Variants in ZSWIM2 observed in about 807,000 individuals in gnomAD.
ZSWIM2 encodes E3 ubiquitin-protein ligase ZSWIM2.
In ZSWIM2, 38 loss-of-function variants were observed where a neutral mutation model predicts 48.4. The ratio of observed to expected loss-of-function variants is 0.79; its 90% CI spans 0.61 to 1.03. The LOEUF (loss-of-function observed/expected upper bound fraction) is 1.03. ZSWIM2 is among the 50% of genes least tolerant of loss of function. ZSWIM2 has a pLI of 0.00. For missense variants in ZSWIM2, 776 were observed against 730.2 expected (o/e 1.06, Z -0.72); for synonymous variants, 240 against 251.3 (o/e 0.96, Z 0.42).
Position 186,849,147 on chromosome 2 carries a change from G to T in ZSWIM2, c.-17C>A, listed in dbSNP as rs1435380850. Reference sequence around the variant, plus strand: ...GCGAAGCATGCTGGGTGCGGGCGGAGGCGGCCCCTCTGCTCGGCTCACTGA... The same window carrying T: ...GCGAAGCATGCTGGGTGCGGGCGGATGCGGCCCCTCTGCTCGGCTCACTGA... On this transcript the variant is annotated 5_prime_UTR_variant, in exon 1 of 9. Coordinates refer to ENST00000295131, the MANE Select transcript of ZSWIM2 (RefSeq NM_182521.3). The T allele has an allele frequency of 6.2e-7, 1 of 1,600,684 alleles. No individual in the cohort carries two copies. Among genetic ancestry groups the T allele is most frequent in the African/African-American group, 1.3e-5 (1 of 74,712 alleles).
chr2:186,834,706 G>A (rs1691764300), intron 5 of ZSWIM2, among the ~76,000 whole-genome samples: 1 of 151,912 alleles, frequency 6.6e-6, no homozygotes, highest in African/African-American at 2.4e-5. Flanking sequence ...TTATTAGCTT[G>A]TGACCCTTTT....
At chr2:186,830,309 G>A (rs1465938163) in intron 7 of ZSWIM2, among the ~76,000 whole-genome samples, 1 of 152,106 alleles carries the variant, frequency 6.6e-6, no homozygotes. Flanking sequence ...TTGGACCCAG[G>A]AGGTGGAGGT....
intron 4 of ZSWIM2, 119 bp from the exon 5 acceptor site, chr2:186,837,673 T>G: frequency 6.4e-6 from 2 of 314,400 alleles, no homozygotes; most frequent in Non-Finnish European, 9.5e-6. Context: ...GCTACCATCT[T>G]TATTCCACAA....
rs1166504813 is a variant in ZSWIM2, at chr2:186,828,525, G to A, written c.1361C>T (p.Thr454Ile). The A allele has an allele frequency of 1.9e-6, 3 of 1,613,274 alleles. No homozygotes were observed. Among genetic ancestry groups the A allele is most frequent in the Admixed American group, 3.3e-5 (2 of 59,924 alleles). The part of the protein sequence containing the change: ...IPQCNFDELN[T>I]PQSPKDAYEN... ...ATAGGCATCTTTTGGGCTTTGAGGT[G>A]TATTCAATTCATCAAAATTACACTG... Residue 454 changes from threonine (T) to isoleucine (I), a missense_variant, in exon 9 of 9, where the codon ACA (threonine) becomes ATA (isoleucine). Thr to Ile is a moderately conservative substitution (Grantham distance 89). Coordinates refer to ENST00000295131, the MANE Select transcript of ZSWIM2 (RefSeq NM_182521.3).
chr2:186,840,048 C>T (rs1361985811), intron 3 of ZSWIM2, among the ~76,000 whole-genome samples: 1 of 151,094 alleles, frequency 6.6e-6, no homozygotes, highest in Non-Finnish European at 1.5e-5. Flanking sequence ...TGGAAAGACC[C>T]CCCCCAACTA....
rs1175949114 is a variant in ZSWIM2 at position 186,834,070 on chromosome 2, T to G, written c.744-40A>C. The G allele has an allele frequency of 2.7e-6, 4 of 1,485,286 alleles. No homozygotes were observed. In the African/African-American group the frequency reaches 5.6e-5, roughly 21 times the overall value. The allele number at this position is 1,485,286 out of a possible 1,614,324, so 92.0% of individuals were successfully genotyped here. On this transcript the variant is annotated intron_variant, in intron 5 of 8. Coordinates refer to ENST00000295131, the MANE Select transcript of ZSWIM2 (RefSeq NM_182521.3). Reference sequence around the variant, plus strand: ...CATCAAAACACGCAAGAAAAAAAAATCCAATTATTGTGATGGTTTTGGGTG... The same window carrying G: ...CATCAAAACACGCAAGAAAAAAAAAGCCAATTATTGTGATGGTTTTGGGTG...
intron 7 of ZSWIM2, 78 bp from the exon 8 acceptor site, chr2:186,829,958 G>T (rs559782930): frequency 1.4e-6 from 2 of 1,443,876 alleles, no homozygotes; most frequent in East Asian, 4.6e-5. Flanking sequence ...CAGGTAAATA[G>T]TCTCTATATA....
chr2:186,829,720 C>T lies in ZSWIM2; in HGVS notation c.1095+7G>A. ...GGAAAGTAAAACTAAAATGATGTGA[C>T]TTTTACCTTGTGAGTACATGGTAGC... On this transcript the variant is annotated splice_region_variant and intron_variant, in intron 8 of 8. Transcript: ENST00000295131. The T allele has an allele frequency of 6.2e-7, 1 of 1,605,796 alleles. No homozygotes were observed. The highest frequency in any genetic ancestry group is 8.5e-7 in the Non-Finnish European group (1 of 1,177,624).
At chr2:186,842,183 A>G (rs2105821476) in intron 3 of ZSWIM2, among the ~76,000 whole-genome samples, 1 of 151,494 alleles carries the variant, frequency 6.6e-6, no homozygotes, top group East Asian at 1.9e-4. Flanking sequence ...CATTACAAGT[A>G]ACATTCCCTC....
chr2:186,848,798 A>T (rs1692048882), intron 1 of ZSWIM2, 168 bp downstream of exon 1: 1 of 805,048 alleles, frequency 1.2e-6, no homozygotes. Flanking sequence ...TCCTTCTGTA[A>T]TTTCACGTAT....
At chr2:186,838,799 ATGTG>A (rs981935056) in intron 4 of ZSWIM2, among the ~76,000 whole-genome samples, 156 bp downstream of exon 4, 1 of 146,220 alleles carries the variant, frequency 6.8e-6, no homozygotes, top group East Asian at 2.0e-4. Flanking sequence ...TATTATATAT[ATGTG>A]TGTGTGTTAG....
chr2:186,845,412 A>G (rs1334388584), intron 2 of ZSWIM2, among the ~76,000 whole-genome samples: 3 of 151,412 alleles, frequency 2.0e-5, no homozygotes, highest in Non-Finnish European at 4.4e-5. Flanking sequence ...TTTAAATATA[A>G]TCATAATACC....
At chr2:186,830,607 C>T (rs1373358333) in intron 7 of ZSWIM2, among the ~76,000 whole-genome samples, 2 of 151,958 alleles carry the variant, frequency 1.3e-5, no homozygotes, top group African/African-American at 4.8e-5. Flanking sequence ...ATATTCCAGG[C>T]TACTATGATA....
At chr2:186,833,838 A>T in intron 6 of ZSWIM2, 108 bp downstream of exon 6, 1 of 857,980 alleles carries the variant, frequency 1.2e-6, no homozygotes. Flanking sequence ...ATTAAAAACC[A>T]ATCAGCTCTG....
intron 7 of ZSWIM2, among the ~76,000 whole-genome samples, chr2:186,832,793 T>C (rs1422846312): frequency 3.9e-5 from 6 of 152,170 alleles, no homozygotes; most frequent in Non-Finnish European, 8.8e-5. Context: ...ATTTATTGTG[T>C]TTGTTAACTC....
At chr2:186,835,371 T>C (rs1408686236) in intron 5 of ZSWIM2, among the ~76,000 whole-genome samples, 1 of 152,200 alleles carries the variant, frequency 6.6e-6, no homozygotes, top group East Asian at 1.9e-4. Context: ...TCAAGTAAAC[T>C]TATTATTCAA....
chr2:186,839,674 T>C (rs1366382385), intron 3 of ZSWIM2, among the ~76,000 whole-genome samples: 5 of 151,802 alleles, frequency 3.3e-5, no homozygotes, highest in Non-Finnish European at 7.4e-5. Flanking sequence ...TTTGTGTACC[T>C]ACAAAAGCGT....
intron 7 of ZSWIM2, among the ~76,000 whole-genome samples, chr2:186,831,834 A>C (rs986456011): frequency 2.6e-5 from 4 of 151,780 alleles, no homozygotes; most frequent in Non-Finnish European, 4.4e-5. Flanking sequence ...ATGGGAACAC[A>C]TGGACACAGG....
intron 3 of ZSWIM2, among the ~76,000 whole-genome samples, chr2:186,839,728 A>G (rs1443570259): frequency 1.3e-5 from 2 of 151,684 alleles, no homozygotes; most frequent in Admixed American, 6.6e-5. Flanking sequence ...AGTGTTTCTC[A>G]GGACAATCTA....
Sources: allele counts gnomAD v4.1 joint callset (sites outside exome capture counted in the v4.1 genomes callset), GRCh38; gene constraint gnomAD v4.1.1; transcripts MANE v1.5; gene names NCBI Gene and HGNC (gene_info 2026-07-23, HGNC 2026-07-21).